Variants in SLC26A6 observed in about 807,000 individuals in gnomAD.
The protein encoded by SLC26A6 is solute carrier family 26 member 6.
A neutral mutation model predicts 87.1 loss-of-function variants in SLC26A6; 67 were observed. The ratio of observed to expected loss-of-function variants is 0.77; its 90% CI spans 0.63 to 0.94. SLC26A6 has a LOEUF of 0.94. Among genes scored for constraint, SLC26A6 ranks in the 40% least tolerant of loss-of-function variants. SLC26A6 has a pLI of 0.00. For missense variants in SLC26A6, 902 were observed against 973.0 expected (o/e 0.93, Z 0.97); for synonymous variants, 414 against 405.9 (o/e 1.02, Z -0.24).
In SLC26A6 at chr3:48,628,303, C is replaced by T; in HGVS notation, c.1800+131G>A. On this transcript the variant is annotated intron_variant, in intron 16 of 20. Coordinates refer to ENST00000395550, the MANE Select transcript of SLC26A6 (RefSeq NM_022911.3). The surrounding 1 kb of genome is among the most constrained non-coding windows in gnomAD (Gnocchi z 4.4). ...ACCTGCTAGGGGAGTGAAGCAGGGTCCCTGGGAGCATGAGGGAGAAAGGGG... is the reference window on the plus strand; with the variant it reads ...ACCTGCTAGGGGAGTGAAGCAGGGTTCCTGGGAGCATGAGGGAGAAAGGGG... The T allele has an allele frequency of 7.9e-7, 1 of 1,264,094 alleles. No individual in the cohort carries two copies. The highest frequency in any genetic ancestry group is 1.1e-6 in the Non-Finnish European group (1 of 903,176). 78.3% of individuals were successfully genotyped at this position (1,264,094 alleles called of 1,614,324 possible).
chr3:48,629,925 G>C lies in SLC26A6; in HGVS notation c.1476C>G (p.Gly492=), dbSNP rs779910060. The change falls in exon 13 of 21, where the codon GGC becomes GGG. Residue 492 remains glycine, a synonymous_variant. Coordinates refer to ENST00000395550, the MANE Select transcript of SLC26A6 (RefSeq NM_022911.3). The stretch of plus-strand genomic sequence containing the variant: ...GGGAGAAGATGACCGCAACCACCAA[G>C]CCAAGGTCCAGGTTCAGCAAGATGG... ...TATILLNLDL[G]LVVAVIFSLL... is the part of the protein sequence containing the mutation. The C allele has an allele frequency of 2.8e-5, 45 of 1,614,132 alleles. No individual in the cohort carries two copies. Among genetic ancestry groups the C allele is most frequent in the Non-Finnish European group, 3.7e-5 (44 of 1,180,034 alleles).
chr3:48,626,059 C>T (rs1056083767), intron 20 of SLC26A6, 59 bp from the exon 21 acceptor site: 29 of 1,612,942 alleles, frequency 1.8e-5, no homozygotes, highest in African/African-American at 2.7e-5. Flanking sequence ...GACCAACCCC[C>T]GCCCCTAGAA....
Position 48,628,358 on chromosome 3 carries a change from G to A in SLC26A6, c.1800+76C>T. 2 of 1,581,718 alleles carry A rather than the reference G, an allele frequency of 1.3e-6. No individual in the cohort carries two copies. Among genetic ancestry groups the A allele is most frequent in the Non-Finnish European group, 1.7e-6 (2 of 1,157,534 alleles). ...GATGAGGAGTGAGGACGAGGGAGGAGTCGGGGGCCAGGAGAAAGGCTGGGG... is the reference window on the plus strand; with the variant it reads ...GATGAGGAGTGAGGACGAGGGAGGAATCGGGGGCCAGGAGAAAGGCTGGGG... On this transcript the variant is annotated intron_variant, in intron 16 of 20. Transcript: ENST00000395550. The surrounding 1 kb of genome is among the most constrained non-coding windows in gnomAD (Gnocchi z 4.4).
At chr3:48,626,381 G>A (rs563627848) in intron 19 of SLC26A6, 27 bp from the exon 20 acceptor site, 2 of 1,613,780 alleles carry the variant, frequency 1.2e-6, no homozygotes, top group Non-Finnish European at 1.7e-6. Flanking sequence ...GGCCTCCCCT[G>A]ACTCTCAGAA....
At chr3:48,627,665 A>AC in intron 17 of SLC26A6, 1 of 311,700 alleles carries the variant, frequency 3.2e-6, no homozygotes, top group Middle Eastern at 8.8e-4. Flanking sequence ...TCTCCCATAT[A>AC]CCCCATCCCT....
In SLC26A6 at chr3:48,630,592, A is replaced by G. The variant is rs1243774140; in HGVS notation, c.1248+15T>C. 1.9e-6 allele frequency: 3 copies of G among 1,567,868 alleles called. No homozygotes were observed. In the African/African-American group the frequency reaches 4.1e-5, roughly 21 times the overall value. ...AATGTGCATGCCCACACCCATGCCC[A>G]CACCCAAAGCCCACCTGCGAGTTGC... On this transcript the variant is annotated intron_variant, in intron 10 of 20. Transcript: ENST00000395550.
At chr3:48,631,419 G>A in intron 7 of SLC26A6, 113 bp from the exon 8 acceptor site, 1 of 1,273,484 alleles carries the variant, frequency 7.9e-7, no homozygotes, top group African/African-American at 1.5e-5. Context: ...TTCGAGGGTG[G>A]GAAAAAGTCA....
intron 7 of SLC26A6, 101 bp from the exon 8 acceptor site, chr3:48,631,407 T>C (rs2046787832): frequency 7.5e-7 from 1 of 1,340,436 alleles, no homozygotes; most frequent in Non-Finnish European, 9.9e-7. Flanking sequence ...GGCAAAACCT[T>C]CTTCGAGGGT....
chr3:48,627,094 G>C (rs748944532), intron 17 of SLC26A6, 39 bp from the exon 18 acceptor site: 3 of 1,597,648 alleles, frequency 1.9e-6, no homozygotes, highest in Admixed American at 3.5e-5. Context: ...ACCCATGAGA[G>C]AGTGAAGGCA....
intron 14 of SLC26A6, among the ~76,000 whole-genome samples, 193 bp downstream of exon 14, chr3:48,629,449 G>A (rs1021283389): frequency 6.6e-6 from 1 of 152,044 alleles, no homozygotes; most frequent in Non-Finnish European, 1.5e-5. Flanking sequence ...ACCCATCTCT[G>A]TCCACTCTCC....
intron 1 of SLC26A6, chr3:48,634,728 C>T (rs1380959080): frequency 1.0e-6 from 1 of 985,330 alleles, no homozygotes; most frequent in East Asian, 1.1e-4. Context: ...GACAGGAACT[C>T]ACCTGGGAAG....
chr3:48,632,789 T>G lies in SLC26A6; in HGVS notation c.433+185A>C, dbSNP rs953350746. 5.8e-5 allele frequency: 40 copies of G among 695,570 alleles called. No homozygotes were observed. In the African/African-American group the frequency reaches 6.7e-4, roughly 12 times the overall value. 43.1% of individuals were successfully genotyped at this position (695,570 alleles called of 1,614,324 possible). A position where few individuals can be genotyped will look rare whatever the true frequency, so the allele number is the denominator to read the frequency against. On this transcript the variant is annotated intron_variant, in intron 4 of 20. Coordinates refer to ENST00000395550, the MANE Select transcript of SLC26A6 (RefSeq NM_022911.3). ...CTGGAGCCAGGGCTTTGAGGTCACCTGCCTCTGTGGTCCTACAGTCAGGGG... is the reference window on the plus strand; with the variant it reads ...CTGGAGCCAGGGCTTTGAGGTCACCGGCCTCTGTGGTCCTACAGTCAGGGG...
chr3:48,632,857 G>A, intron 4 of SLC26A6, 117 bp downstream of exon 4: 1 of 1,019,834 alleles, frequency 9.8e-7, no homozygotes, highest in Non-Finnish European at 1.5e-6. Flanking sequence ...GCCCAGGGAT[G>A]CAGCACCAAT....
At position 48,627,036 on chromosome 3, in the gene SLC26A6, T is replaced by A; in HGVS notation, c.1913A>T (p.Lys638Met). The A allele has an allele frequency of 6.2e-7, 1 of 1,613,998 alleles. No homozygotes were observed. Among genetic ancestry groups the A allele is most frequent in the South Asian group, 1.1e-5 (1 of 91,062 alleles). The change falls in exon 18 of 21, where the codon AAG becomes ATG. Residue 638 changes from lysine (K) to methionine (M), a missense_variant. Coordinates refer to ENST00000395550, the MANE Select transcript of SLC26A6 (RefSeq NM_022911.3). ...ACCATTGGCTGTTGCATCTTCCATCTTATCTCCTGAGCTCACCTGCTGGGG... is the reference window on the plus strand; with the variant it reads ...ACCATTGGCTGTTGCATCTTCCATCATATCTCCTGAGCTCACCTGCTGGGG... ...CKMMQVSSGD[K>M]MEDATANGQE...
At chr3:48,629,580 C>T (rs2046721447) in intron 14 of SLC26A6, 62 bp downstream of exon 14, 7 of 1,523,986 alleles carry the variant, frequency 4.6e-6, no homozygotes, top group Non-Finnish European at 6.2e-6. Context: ...AACGAATCCA[C>T]AAAGGCTCAT....
intron 1 of SLC26A6, 59 bp from the exon 2 acceptor site, chr3:48,633,694 A>G: frequency 1.9e-6 from 3 of 1,589,262 alleles, no homozygotes; most frequent in Non-Finnish European, 2.6e-6. Flanking sequence ...CCTCCCCTAC[A>G]CCTCCACCTA....
chr3:48,628,078 G>T lies in SLC26A6; in HGVS notation c.1801-40C>A. ...ACAGGGAATGGGAAACAGCTAGCCCGGCTGCCATGACAGCCATGTCACATA... is the reference window on the plus strand; with the variant it reads ...ACAGGGAATGGGAAACAGCTAGCCCTGCTGCCATGACAGCCATGTCACATA... On this transcript the variant is annotated intron_variant, in intron 16 of 20. Transcript: ENST00000395550. The surrounding 1 kb of genome is among the most constrained non-coding windows in gnomAD (Gnocchi z 4.4). 6.6e-7 allele frequency: 1 copy of T among 1,518,410 alleles called. No homozygotes were observed. Among genetic ancestry groups the T allele is most frequent in the African/African-American group, 1.4e-5 (1 of 71,494 alleles). 94.1% of individuals were successfully genotyped at this position (1,518,410 alleles called of 1,614,324 possible). A position where few individuals can be genotyped will look rare whatever the true frequency, so the allele number is the denominator to read the frequency against.
rs2046743353 is a variant in SLC26A6, at chr3:48,630,133, CAAT to C, written c.1348_1350del (p.Ile450del). On this transcript the variant is annotated inframe_deletion, in exon 12 of 21. Coordinates refer to ENST00000395550, the MANE Select transcript of SLC26A6 (RefSeq NM_022911.3). ...TGCCTCAGCATGCCCTTCAGGTTCA[CAAT>C]GATGATGGCTGCCAGGACCGCCTGG... The C allele has an allele frequency of 1.9e-6, 3 of 1,609,616 alleles. No individual in the cohort carries two copies. The highest frequency in any genetic ancestry group is 2.5e-6 in the Non-Finnish European group (3 of 1,176,672).
At chr3:48,634,190 G>C (rs1176384702) in intron 1 of SLC26A6, 3 of 160,852 alleles carry the variant, frequency 1.9e-5, no homozygotes, top group Non-Finnish European at 4.1e-5. Flanking sequence ...CCAGGTTGTA[G>C]ACGGCTCAGG....
Sources: gnomAD v4.1 joint callset for allele counts (sites outside exome capture counted in the v4.1 genomes callset) on GRCh38, gnomAD v4.1.1 for gene constraint, Gnocchi (gnomAD v3.1) non-coding constraint, MANE v1.5 for transcripts, NCBI Gene and HGNC (gene_info 2026-07-23, HGNC 2026-07-21) for gene names.